ZNFX1: variants seen among roughly 807,000 people sequenced by gnomAD.
ZNFX1 encodes zinc finger NFX1-type containing 1.
A neutral mutation model predicts 179.8 loss-of-function variants in ZNFX1; 78 were observed. The observed-to-expected ratio is 0.43, with a 90% CI of 0.36 to 0.52. The LOEUF (loss-of-function observed/expected upper bound fraction) is 0.52. ZNFX1 is among the 20% of genes least tolerant of loss of function. The pLI, the probability that ZNFX1 is intolerant of heterozygous loss-of-function variation, is 0.00. For synonymous variants in ZNFX1, 848 were observed against 868.5 expected, an observed-to-expected ratio of 0.98 and a Z score of 0.42; for missense variants, 1,927 against 2,386.6, an observed-to-expected ratio of 0.81 and a Z score of 4.01.
intron 7 of ZNFX1, among the ~76,000 whole-genome samples, chr20:49,259,453 T>C (rs527992300): frequency 3.3e-5 from 5 of 151,970 alleles, no homozygotes; most frequent in Admixed American, 6.6e-5. Context: ...TTTGAGACTA[T>C]GTCTGTCACT....
chr20:49,247,466 T>A lies in ZNFX1; in HGVS notation c.5558A>T (p.His1853Leu). 3.1e-6 allele frequency: 5 copies of A among 1,614,206 alleles called. No homozygotes were observed. The highest frequency in any genetic ancestry group is 4.2e-6 in the Non-Finnish European group (5 of 1,180,034). The change falls in exon 14 of 14, where the codon CAT becomes CTT. Residue 1853 changes from histidine (H) to leucine (L), a missense_variant. Transcript: ENST00000396105. The stretch of plus-strand genomic sequence containing the variant: ...CCCACAATCGCCAATCACATAGATA[T>A]GGCCATTGCGGCACTTGAACCAGTG... ...RGHWFKCRNG[H>L]IYVIGDCGGA...
rs779084522 is a variant in ZNFX1, at chr20:49,248,234, A to G, written c.4790T>C (p.Val1597Ala). 1.2e-6 allele frequency: 2 copies of G among 1,614,112 alleles called. No homozygotes were observed. Among genetic ancestry groups the G allele is most frequent in the Non-Finnish European group, 1.7e-6 (2 of 1,180,028 alleles). The change falls in exon 14 of 14, where the codon GTG becomes GCG. Residue 1597 changes from valine (V) to alanine (A), a missense_variant. Val to Ala is a moderately conservative substitution (Grantham distance 64, BLOSUM62 0). Transcript: ENST00000396105. This position sits in a 1 kb window ranked among gnomAD's most constrained non-coding sequence, Gnocchi z 4.6. ...ATTCATGTAGCGGTCTAGGGCTTGC[A>G]CCTCAAAGATGTGGCTGCAGTCTTC... Reference protein sequence around the residue: ...QLEDCSHIFEVQALDRYMNEQ... With the variant: ...QLEDCSHIFEAQALDRYMNEQ...
intron 10 of ZNFX1, among the ~76,000 whole-genome samples, chr20:49,254,205 T>C (rs907546791): frequency 6.6e-6 from 1 of 152,052 alleles, no homozygotes; most frequent in Non-Finnish European, 1.5e-5. Flanking sequence ...TTTTGTATTT[T>C]TAGTAGAGAT....
At position 49,254,573 on chromosome 20, in the gene ZNFX1, C is replaced by T. The variant is rs760613909; in HGVS notation, c.2881G>A (p.Glu961Lys). The change falls in exon 10 of 14, where the codon GAA becomes AAA. Residue 961 changes from glutamate to lysine, a missense_variant. By Grantham distance (56) the Glu-to-Lys change is moderately conservative. Transcript: ENST00000396105. ...SYERQYRTSA[E>K]RMAELRLQED... is the part of the protein sequence containing the mutation. ...TGGAGTCTCAGCTCGGCCATTCTTT[C>T]TGCTGATGTGCGGTACTGGCGTTCA... The T allele has an allele frequency of 6.2e-7, 1 of 1,614,216 alleles. No individual in the cohort carries two copies. Among genetic ancestry groups the T allele is most frequent in the South Asian group, 1.1e-5 (1 of 91,090 alleles).
At chr20:49,256,075 T>C in intron 8 of ZNFX1, 128 bp from the exon 9 acceptor site, 1 of 1,186,280 alleles carries the variant, frequency 8.4e-7, no homozygotes, top group Non-Finnish European at 1.2e-6. Flanking sequence ...TGTCTTACAT[T>C]CTCCCAACAG....
intron 5 of ZNFX1, among the ~76,000 whole-genome samples, chr20:49,264,417 T>G (rs73113584): frequency 0.089 from 13,591 of 152,194 alleles, 746 homozygotes; most frequent in African/African-American, 0.16. Flanking sequence ...GCTGCCCAGC[T>G]AAAAGATGAC....
Position 49,271,282 on chromosome 20 carries a change from G to A in ZNFX1, c.530C>T (p.Ser177Phe), listed in dbSNP as rs1981385949. 1 of 1,614,112 alleles carries A rather than the reference G, an allele frequency of 6.2e-7. No homozygotes were observed. Among genetic ancestry groups the A allele is most frequent in the Admixed American group, 1.7e-5 (1 of 60,004 alleles). The change falls in exon 3 of 14, where the codon TCT (serine) becomes TTT (phenylalanine). Residue 177 changes from serine (S) to phenylalanine (F), a missense_variant. Physicochemically the swap from Ser to Phe is radical, Grantham distance 155 (BLOSUM62 -2). Coordinates refer to ENST00000396105, the MANE Select transcript of ZNFX1 (RefSeq NM_021035.3). ...SLGLKELLSH[S>F]SMKSNFLELI... ...CTCAAGGAAGTTAGATTTCATGGAA[G>A]AATGAGAAAGGAGCTCTTTCAGCCC...
In ZNFX1 at chr20:49,266,241, A is replaced by T; in HGVS notation, c.1896T>A (p.Ile632=). ...GTGKTYVGLK[I]VQALLTNESV... is the part of the protein sequence containing the mutation. ...ACTCGTTGGTTAGGAGGGCCTGAAC[A>T]ATTTTTAGACCCACATAGGTTTTGC... Residue 632 remains isoleucine (I), a synonymous_variant, in exon 4 of 14, where the codon ATT becomes ATA. Transcript: ENST00000396105. 1 of 1,610,480 alleles carries T rather than the reference A, an allele frequency of 6.2e-7. No individual in the cohort carries two copies. The highest frequency in any genetic ancestry group is 8.5e-7 in the Non-Finnish European group (1 of 1,178,960).
rs538277264 is a variant in ZNFX1, at chr20:49,275,901, G to C, written c.-48-14C>G. On this transcript the variant is annotated splice_polypyrimidine_tract_variant and intron_variant, in intron 1 of 13. Coordinates refer to ENST00000396105, the MANE Select transcript of ZNFX1 (RefSeq NM_021035.3). ...TTATCTGGAAAACTGCACATGTTGAGTTATCAGTGTCCTCGAAACATAGCA... is the reference window on the plus strand; with the variant it reads ...TTATCTGGAAAACTGCACATGTTGACTTATCAGTGTCCTCGAAACATAGCA... 8.3e-6 allele frequency: 13 copies of C among 1,565,688 alleles called. No individual in the cohort carries two copies. Among genetic ancestry groups the C allele is most frequent in the Admixed American group, 1.7e-5 (1 of 59,790 alleles).
Position 49,253,788 on chromosome 20 carries a change from G to C in ZNFX1, c.2983C>G (p.Leu995Val). Residue 995 changes from leucine to valine, a missense_variant, in exon 11 of 14, where the codon CTA becomes GTA. Physicochemically the swap from Leu to Val is conservative, Grantham distance 32 (BLOSUM62 1). Coordinates refer to ENST00000396105, the MANE Select transcript of ZNFX1 (RefSeq NM_021035.3). ...TTGAAKYRQI[L>V]QKVEPRIVIV... is the part of the protein sequence containing the mutation. The stretch of plus-strand genomic sequence containing the variant: ...ACAATCCTCGGCTCCACCTTCTGTA[G>C]GATCTGGCGGTATTTGGCAGCACCT... 6.2e-7 allele frequency: 1 copy of C among 1,614,152 alleles called. No individual in the cohort carries two copies. Among genetic ancestry groups the C allele is most frequent in the Non-Finnish European group, 8.5e-7 (1 of 1,180,024 alleles).
At chr20:49,256,197 C>G (rs537022918) in intron 8 of ZNFX1, among the ~76,000 whole-genome samples, 13 of 152,274 alleles carry the variant, frequency 8.5e-5, no homozygotes, top group African/African-American at 3.1e-4. Context: ...AATGACCTAA[C>G]CTCTGTGTCC....
In ZNFX1 at chr20:49,270,963, A is replaced by G. The variant is rs757520531; in HGVS notation, c.849T>C (p.Ser283=). The G allele has an allele frequency of 1.9e-6, 3 of 1,614,134 alleles. No homozygotes were observed. The South Asian group carries it at 3.3e-5, about 18-fold the overall frequency. Residue 283 remains serine, a synonymous_variant, in exon 3 of 14, where the codon TCT becomes TCC. Coordinates refer to ENST00000396105, the MANE Select transcript of ZNFX1 (RefSeq NM_021035.3). The surrounding 1 kb of genome is among the most constrained non-coding windows in gnomAD (Gnocchi z 4.6). ...CCGTTTCCTCTTCTATGTCAACACC[A>G]GAGGCTCTCAGAGCATTAAGAGAGG... ...LPTSLNALRA[S]GVDIEEETEK... is the part of the protein sequence containing the mutation.
At chr20:49,267,942 C>T (rs1283547029) in intron 3 of ZNFX1, among the ~76,000 whole-genome samples, 1 of 151,360 alleles carries the variant, frequency 6.6e-6, no homozygotes, top group Non-Finnish European at 1.5e-5. Context: ...GGAGCGATCT[C>T]AGCTCACTGC....
chr20:49,246,569 G>T lies in ZNFX1; in HGVS notation c.*698C>A. On this transcript the variant is annotated 3_prime_UTR_variant, in exon 14 of 14. Transcript: ENST00000396105. ...TTATGAGAGTTAGTCTGCAAATTAG[G>T]GCCTGGCAATTAGAATCGGTCTGCA... The T allele has an allele frequency of 4.4e-6, 1 of 225,486 alleles. No individual in the cohort carries two copies. Among genetic ancestry groups the T allele is most frequent in the South Asian group, 4.9e-5 (1 of 20,354 alleles). 14.0% of individuals were successfully genotyped at this position (225,486 alleles called of 1,614,324 possible).
At chr20:49,265,433 C>T (rs1981211615) in intron 4 of ZNFX1, among the ~76,000 whole-genome samples, 1 of 152,106 alleles carries the variant, frequency 6.6e-6, no homozygotes, top group African/African-American at 2.4e-5. Flanking sequence ...ATTAATACGG[C>T]AGCAATAAAT....
At position 49,251,634 on chromosome 20, in the gene ZNFX1, C is replaced by T. The variant is rs1240682475; in HGVS notation, c.3217-12G>A. 1 of 1,597,686 alleles carries T rather than the reference C, an allele frequency of 6.3e-7. No individual in the cohort carries two copies. Among genetic ancestry groups the T allele is most frequent in the East Asian group, 2.2e-5 (1 of 44,598 alleles). ...GGGCACATACGGTGCTGAAAAAACA[C>T]ATGCATGTCATTAGAAACATGGGCA... On this transcript the variant is annotated splice_polypyrimidine_tract_variant and intron_variant, in intron 12 of 13. Transcript: ENST00000396105.
At chr20:49,276,455 G>A (rs1262592609) in intron 1 of ZNFX1, among the ~76,000 whole-genome samples, 6 of 152,222 alleles carry the variant, frequency 3.9e-5, no homozygotes, top group African/African-American at 1.4e-4. Context: ...CTGCTCTACT[G>A]AATCAAGAGA....
At chr20:49,251,438 G>T in intron 13 of ZNFX1, 89 bp downstream of exon 13, 1 of 1,247,418 alleles carries the variant, frequency 8.0e-7, no homozygotes, top group Non-Finnish European at 1.1e-6. Context: ...ACCGCGCCTG[G>T]CCGCTGAAAA....
rs527687978 is a variant in ZNFX1, at chr20:49,247,065, C to T, written c.*202G>A. On this transcript the variant is annotated 3_prime_UTR_variant, in exon 14 of 14. Coordinates refer to ENST00000396105, the MANE Select transcript of ZNFX1 (RefSeq NM_021035.3). ...TGTATTTTTAGTAGAGACGGGGTTT[C>T]GCCATGTTGGTCAGGCTGGTCTCGA... 6 of 616,512 alleles carry T rather than the reference C, an allele frequency of 9.7e-6. No homozygotes were observed. The highest frequency in any genetic ancestry group is 5.5e-5 in the African/African-American group (3 of 54,066). The allele number at this position is 616,512 out of a possible 1,614,324, so 38.2% of individuals were successfully genotyped here.
Sources: gnomAD v4.1 joint callset for allele counts (sites outside exome capture counted in the v4.1 genomes callset) on GRCh38, gnomAD v4.1.1 for gene constraint, Gnocchi (gnomAD v3.1) non-coding constraint, MANE v1.5 for transcripts, NCBI Gene and HGNC (gene_info 2026-07-23, HGNC 2026-07-21) for gene names.